The following INPP4B variants were observed in gnomAD, a reference collection of about 807,000 sequenced individuals.
INPP4B encodes the protein inositol polyphosphate 4-phosphatase type II.
INPP4B carries 55 observed loss-of-function variants against 122.5 expected under a neutral mutation model. The ratio of observed to expected loss-of-function variants is 0.45; its 90% confidence interval spans 0.36 to 0.56. The LOEUF is 0.56. Ranked by LOEUF, INPP4B falls within the 20% of genes least tolerant of loss-of-function variation. The probability of loss-of-function intolerance (pLI) is 0.00; values close to 1 mark genes in which losing one functional copy is unlikely to be tolerated. For synonymous variants in INPP4B, 403 were observed against 388.7 expected (o/e 1.04, Z -0.43); for missense variants, 1,000 against 1,097.7 (o/e 0.91, Z 1.26).
chr4:142,212,680 TA>T (rs1284427767), intron 12 of INPP4B, among the ~76,000 whole-genome samples: 17 of 152,268 alleles, frequency 1.1e-4, no homozygotes, highest in African/African-American at 4.1e-4. Context: ...AGTGGGATTC[TA>T]ATTGTGTCCC....
At chr4:142,675,134 T>G (rs1454367798) in intron 2 of INPP4B, among the ~76,000 whole-genome samples, 5 of 151,142 alleles carry the variant, frequency 3.3e-5, no homozygotes, top group Admixed American at 3.3e-4. Flanking sequence ...AAGAGAAGAA[T>G]CAAATAGATG....
chr4:142,402,510 C>G (rs960602802), intron 7 of INPP4B, among the ~76,000 whole-genome samples: 3 of 152,160 alleles, frequency 2.0e-5, no homozygotes, highest in African/African-American at 4.8e-5. Context: ...GTAACAACAT[C>G]AAGAAAAATG....
chr4:142,727,818 T>C (rs1050941247), intron 1 of INPP4B, among the ~76,000 whole-genome samples: 10 of 152,032 alleles, frequency 6.6e-5, no homozygotes, highest in Non-Finnish European at 8.8e-5. Context: ...GCAGAGGCTA[T>C]AGTGAGCCGA....
chr4:142,199,769 A>G (rs1839896542), intron 14 of INPP4B, among the ~76,000 whole-genome samples: 1 of 152,020 alleles, frequency 6.6e-6, no homozygotes, highest in Non-Finnish European at 1.5e-5. Flanking sequence ...GTTGTGCAAT[A>G]TGGAGCAGAA....
At chr4:142,260,131 C>A (rs1042930356) in intron 11 of INPP4B, among the ~76,000 whole-genome samples, 6 of 152,088 alleles carry the variant, frequency 3.9e-5, no homozygotes, top group African/African-American at 1.2e-4. Context: ...ACTACAGGCA[C>A]GGGCCACCAT....
chr4:142,689,022 A>C (rs2150714367), intron 2 of INPP4B, among the ~76,000 whole-genome samples: 1 of 152,036 alleles, frequency 6.6e-6, no homozygotes, highest in South Asian at 2.1e-4. Flanking sequence ...CCCATTTTCT[A>C]ACCCCCTATC....
chr4:142,341,552 G>T (rs1462191083), intron 7 of INPP4B, among the ~76,000 whole-genome samples: 1 of 152,072 alleles, frequency 6.6e-6, no homozygotes, highest in Non-Finnish European at 1.5e-5. Flanking sequence ...TTCCCGTTTT[G>T]TATAATTTCC....
chr4:142,058,000 G>A (rs1456638528), intron 25 of INPP4B, among the ~76,000 whole-genome samples: 1 of 151,956 alleles, frequency 6.6e-6, no homozygotes, highest in Non-Finnish European at 1.5e-5. Context: ...TCGCCATTTT[G>A]TATTTCTTGC....
chr4:142,336,149 TC>T (rs1455504110), intron 7 of INPP4B, among the ~76,000 whole-genome samples: 1 of 152,238 alleles, frequency 6.6e-6, no homozygotes, highest in Middle Eastern at 3.2e-3. Flanking sequence ...TGACAGCTTT[TC>T]TTCTGTTGCT....
intron 2 of INPP4B, among the ~76,000 whole-genome samples, chr4:142,497,396 T>C (rs752522541): frequency 5.9e-5 from 9 of 152,112 alleles, no homozygotes; most frequent in Non-Finnish European, 1.3e-4. Context: ...CAAATCATTT[T>C]CCCAAAAAAG....
intron 17 of INPP4B, among the ~76,000 whole-genome samples, chr4:142,151,182 T>C (rs1325860109): frequency 6.6e-6 from 1 of 152,212 alleles, no homozygotes; most frequent in Non-Finnish European, 1.5e-5. Flanking sequence ...CTTTTCTCCC[T>C]GAACCCTTCA....
At chr4:142,812,601 T>C (rs1447605545) in intron 1 of INPP4B, among the ~76,000 whole-genome samples, 1 of 152,094 alleles carries the variant, frequency 6.6e-6, no homozygotes, top group Non-Finnish European at 1.5e-5. Context: ...CATGGATGTT[T>C]AAAGGGTTTA....
intron 1 of INPP4B, among the ~76,000 whole-genome samples, chr4:142,798,383 CTTAGAG>C (rs1185852063): frequency 6.6e-6 from 1 of 151,772 alleles, no homozygotes; most frequent in Non-Finnish European, 1.5e-5. Context: ...TTAGCATTTA[CTTAGAG>C]TTAAAGCATG....
intron 2 of INPP4B, among the ~76,000 whole-genome samples, chr4:142,647,341 G>C (rs925671264): frequency 3.3e-5 from 5 of 152,178 alleles, no homozygotes; most frequent in African/African-American, 1.2e-4. Context: ...ATTTGGAAAT[G>C]AAATTCAGTT....
At position 142,362,022 on chromosome 4, in the gene INPP4B, C is replaced by T. The variant is rs142359010; in HGVS notation, c.372+40916G>A. Among the ~76,000 whole-genome samples, 326 of 151,914 alleles carry T rather than the reference C, an allele frequency of 2.1e-3. 1 individual carries two copies. The highest frequency in any genetic ancestry group is 3.5e-3 in the Non-Finnish European group (239 of 67,924). On this transcript the variant is annotated intron_variant, in intron 7 of 25. Coordinates refer to ENST00000262992, the MANE Select transcript of INPP4B (RefSeq NM_001101669.3). ...AAAGTAAAACATGAACACAAACAAC[C>T]GTAATGTATGACAGGTGTCATAAGT...
intron 1 of INPP4B, chr4:142,767,702 A>G (rs930751661): frequency 2.6e-5 from 4 of 152,202 alleles, no homozygotes; most frequent in Admixed American, 2.6e-4. Context: ...ACAGAGCTAC[A>G]ATAGGAGTAA....
intron 5 of INPP4B, among the ~76,000 whole-genome samples, chr4:142,417,329 C>T (rs993113191): frequency 6.6e-6 from 1 of 152,128 alleles, no homozygotes; most frequent in Non-Finnish European, 1.5e-5. Context: ...GCAGTTCTTA[C>T]TTGCTCTGCC....
chr4:142,479,628 C>A (rs1820250397), intron 2 of INPP4B, among the ~76,000 whole-genome samples: 1 of 152,048 alleles, frequency 6.6e-6, no homozygotes, highest in African/African-American at 2.4e-5. Context: ...TACTATACAG[C>A]TATAAAAAAG....
intron 2 of INPP4B, among the ~76,000 whole-genome samples, chr4:142,674,383 G>A (rs937591898): frequency 6.6e-6 from 1 of 152,020 alleles, no homozygotes; most frequent in African/African-American, 2.4e-5. Context: ...TGCAGCCTTT[G>A]CATTTCCCCA....
Sources: gnomAD v4.1 joint callset for allele counts (sites outside exome capture counted in the v4.1 genomes callset) on GRCh38, gnomAD v4.1.1 for gene constraint, MANE v1.5 for transcripts, NCBI Gene and HGNC (gene_info 2026-07-23, HGNC 2026-07-21) for gene names.